The following SLC38A6 variants were observed in gnomAD, a reference collection of about 807,000 sequenced individuals.
SLC38A6 encodes the protein N system amino acid transporter NAT-1.
SLC38A6 carries 73 observed loss-of-function variants against 65.0 expected under a neutral mutation model. The observed-to-expected ratio is 1.12, with a 90% CI of 0.93 to 1.37. SLC38A6 has a LOEUF of 1.37. Ranked by LOEUF, SLC38A6 falls within the 40% of genes most tolerant of loss-of-function variation. The probability of loss-of-function intolerance (pLI) is 0.00; values close to 1 mark genes in which losing one functional copy is unlikely to be tolerated. For synonymous variants in SLC38A6, 183 were observed against 178.8 expected (o/e 1.02, Z -0.19); for missense variants, 561 against 531.1 (o/e 1.06, Z -0.55).
At chr14:60,985,591 C>T (rs913805714) in intron 3 of SLC38A6, among the ~76,000 whole-genome samples, 5 of 151,986 alleles carry the variant, frequency 3.3e-5, no homozygotes, top group Non-Finnish European at 7.4e-5. Context: ...TGGATGAGTT[C>T]GTTTTGCTTT....
intron 5 of SLC38A6, among the ~76,000 whole-genome samples, chr14:61,023,470 G>C (rs1398534406): frequency 1.3e-5 from 2 of 151,756 alleles, no homozygotes; most frequent in Non-Finnish European, 2.9e-5. Flanking sequence ...CTACTCAGGT[G>C]GCTGAGGCAG....
chr14:61,043,562 G>T (rs1157812509), intron 10 of SLC38A6, 59 bp downstream of exon 10: 1 of 1,336,750 alleles, frequency 7.5e-7, no homozygotes. Context: ...GTTTTAAGAG[G>T]TTTGTGTAAC....
rs999902266 is a variant in SLC38A6 at position 61,047,714 on chromosome 14, G to A, written c.925+1547G>A. 5.9e-5 allele frequency among the ~76,000 whole-genome samples: 9 copies of A among 152,022 alleles called. No homozygotes were observed. In the East Asian group the frequency reaches 1.5e-3, roughly 26 times the overall value. ...TCTAACATTGCTGCTTGAACACAAA[G>A]GCTAAAGGTTTTCATCATGTAGATG... On this transcript the variant is annotated intron_variant, in intron 12 of 15. Coordinates refer to ENST00000267488, the MANE Select transcript of SLC38A6 (RefSeq NM_153811.3).
chr14:61,037,706 T>G, intron 8 of SLC38A6, 23 bp downstream of exon 8: 1 of 1,459,410 alleles, frequency 6.9e-7, no homozygotes, highest in East Asian at 2.3e-5. Flanking sequence ...TATAATACAT[T>G]GCTTATCTCC....
intron 3 of SLC38A6, among the ~76,000 whole-genome samples, chr14:61,003,929 A>T (rs1202157895): frequency 6.6e-6 from 1 of 152,122 alleles, no homozygotes; most frequent in Non-Finnish European, 1.5e-5. Flanking sequence ...TTAAGAGCCT[A>T]ATGGTTTTTT....
At position 61,045,335 on chromosome 14, in the gene SLC38A6, A is replaced by AT; in HGVS notation, c.745-4dup. On this transcript the variant is annotated splice_polypyrimidine_tract_variant and intron_variant, in intron 10 of 15. Transcript: ENST00000267488. ...CATTTAATAATTTTGTCTCTTTAAA[A>AT]TTTTTTTCAGAGTGCTTATGCCTTA... 1 of 1,602,792 alleles carries AT rather than the reference A, an allele frequency of 6.2e-7. No homozygotes were observed. Among genetic ancestry groups the AT allele is most frequent in the Non-Finnish European group, 8.5e-7 (1 of 1,172,890 alleles).
chr14:61,040,184 A>G (rs2041704876), intron 8 of SLC38A6, among the ~76,000 whole-genome samples: 1 of 151,740 alleles, frequency 6.6e-6, no homozygotes, highest in Non-Finnish European at 1.5e-5. Context: ...TTTTTTTTTA[A>G]GAGACAGAAT....
intron 4 of SLC38A6, among the ~76,000 whole-genome samples, chr14:61,017,597 T>C (rs1290005739): frequency 6.6e-6 from 1 of 152,204 alleles, no homozygotes; most frequent in Non-Finnish European, 1.5e-5. Flanking sequence ...ACAATTAATA[T>C]AACATAACCT....
At chr14:60,982,383 A>C (rs1333174654) in intron 1 of SLC38A6, 125 bp from the exon 2 acceptor site, 1 of 1,200,520 alleles carries the variant, frequency 8.3e-7, no homozygotes, top group Non-Finnish European at 1.2e-6. Flanking sequence ...TTAAGCAACG[A>C]GTGTGTCATA....
rs1235757697 is a variant in SLC38A6 at position 60,995,180 on chromosome 14, A to T, written c.310+10377A>T. On this transcript the variant is annotated intron_variant, in intron 3 of 15. Transcript: ENST00000267488. ...ACCTTGTAGAGATATCTATGCTCCC[A>T]TGTTCATTGCAGCATTATTAACGAT... is the stretch of plus-strand genomic sequence containing the variant. Among the ~76,000 whole-genome samples the T allele has an allele frequency of 4.8e-4, 73 of 152,218 alleles. 1 individual carries two copies. Among genetic ancestry groups the T allele is most frequent in the Non-Finnish European group, 1.5e-5 (1 of 68,038 alleles).
chr14:61,043,623 C>G, intron 10 of SLC38A6, 120 bp downstream of exon 10: 1 of 626,756 alleles, frequency 1.6e-6, no homozygotes, highest in Non-Finnish European at 2.6e-6. Context: ...CATGAAAGTG[C>G]TAAGTATAGG....
intron 3 of SLC38A6, among the ~76,000 whole-genome samples, chr14:60,990,557 C>A (rs2037788078): frequency 6.6e-6 from 1 of 152,152 alleles, no homozygotes; most frequent in African/African-American, 2.4e-5. Flanking sequence ...GGCCAAAGAT[C>A]TTTAAGTTAT....
At chr14:61,037,902 T>C (rs1401661030) in intron 8 of SLC38A6, among the ~76,000 whole-genome samples, 1 of 152,186 alleles carries the variant, frequency 6.6e-6, no homozygotes, top group Non-Finnish European at 1.5e-5. Context: ...TTTCTTGTGG[T>C]TAACTAGAGA....
intron 3 of SLC38A6, among the ~76,000 whole-genome samples, chr14:61,010,015 C>G (rs555217135): frequency 6.6e-6 from 1 of 152,188 alleles, no homozygotes; most frequent in African/African-American, 2.4e-5. Context: ...AAAAGTGTTC[C>G]TATTTTTCCA....
At chr14:61,074,072 G>C (rs939577436) in intron 15 of SLC38A6, 15 of 152,022 alleles carry the variant, frequency 9.9e-5, no homozygotes, top group African/African-American at 3.6e-4. Flanking sequence ...TTATTGGTAG[G>C]GCTTACAGTC....
At chr14:61,033,341 C>T (rs1191345172) in intron 6 of SLC38A6, among the ~76,000 whole-genome samples, 1 of 151,944 alleles carries the variant, frequency 6.6e-6, no homozygotes, top group Admixed American at 6.6e-5. Flanking sequence ...AGGATTTATA[C>T]TCTATATTTC....
intron 6 of SLC38A6, among the ~76,000 whole-genome samples, chr14:61,032,783 T>C (rs2041089940): frequency 6.6e-6 from 1 of 151,906 alleles, no homozygotes; most frequent in Non-Finnish European, 1.5e-5. Context: ...AAGGACAGTT[T>C]TTTTCTAGAT....
intron 5 of SLC38A6, among the ~76,000 whole-genome samples, chr14:61,029,166 T>A (rs2040787692): frequency 6.6e-6 from 1 of 151,510 alleles, no homozygotes; most frequent in African/African-American, 2.4e-5. Context: ...TTTTTTTTTT[T>A]TTTTTTTGAG....
intron 15 of SLC38A6, among the ~76,000 whole-genome samples, chr14:61,068,668 T>C (rs907706879): frequency 2.0e-5 from 3 of 152,190 alleles, no homozygotes; most frequent in African/African-American, 4.8e-5. Context: ...CCCCAACACA[T>C]GGTAGTGCTT....
Sources: allele counts gnomAD v4.1 joint callset (sites outside exome capture counted in the v4.1 genomes callset), GRCh38; gene constraint gnomAD v4.1.1; transcripts MANE v1.5; gene names NCBI Gene and HGNC (gene_info 2026-07-23, HGNC 2026-07-21).